The following GMCL2 variants were observed in gnomAD, a reference collection of about 807,000 sequenced individuals.
GMCL2 encodes germ cell-less 2, spermatogenesis associated, also known as germ cell-less protein-like 2.
Under a neutral mutation model 36.2 loss-of-function variants are expected in GMCL2, and 33 were observed. That is an observed-to-expected ratio of 0.91 (90% CI 0.69 to 1.22). The LOEUF (loss-of-function observed/expected upper bound fraction) is 1.22. GMCL2 is among the 50% of genes most tolerant of loss of function. The pLI is 0.00. For synonymous variants in GMCL2, 172 were observed against 184.3 expected (o/e 0.93, Z 0.54); for missense variants, 478 against 514.5 (o/e 0.93, Z 0.69).
chr5:178,184,969 C>T lies in GMCL2; in HGVS notation c.*750G>A, dbSNP rs1215769847. Among the ~76,000 whole-genome samples the T allele has an allele frequency of 1.3e-5, 2 of 152,108 alleles. No homozygotes were observed. The highest frequency in any genetic ancestry group is 4.1e-4 in the South Asian group (2 of 4,834). On this transcript the variant is annotated 3_prime_UTR_variant, in exon 1 of 1. Coordinates refer to ENST00000463439, the MANE Select transcript of GMCL2 (RefSeq NM_001358008.2). ...CTCAAAAACTAATAATAAAGGTGTA[C>T]AGACTGTCAAAGAAAAGACCATGTA...
In GMCL2 at chr5:178,186,289, T is replaced by C. The variant is rs540252519; in HGVS notation, c.1011A>G (p.Gln337=). 2 of 1,142,096 alleles carry C rather than the reference T, an allele frequency of 1.8e-6. No individual in the cohort carries two copies. The highest frequency in any genetic ancestry group is 2.3e-5 in the East Asian group (1 of 42,764). 70.7% of individuals were successfully genotyped at this position (1,142,096 alleles called of 1,614,324 possible). The change falls in exon 1 of 1, where the codon CAA becomes CAG. Residue 337 remains glutamine (Q), a synonymous_variant. Coordinates refer to ENST00000463439, the MANE Select transcript of GMCL2 (RefSeq NM_001358008.2). ...CAGAAGCTAGGTCACTGATAATATA[T>C]TGTAACCTTAAATGTCTGAATACTG... ...FVSVFRHLRL[Q]YIISDLASAR...
At position 178,186,083 on chromosome 5, in the gene GMCL2, T is replaced by G. The variant is rs751038711; in HGVS notation, c.1217A>C (p.Glu406Ala). Residue 406 changes from glutamate (E) to alanine (A), a missense_variant, in exon 1 of 1, where the codon GAA (glutamate) becomes GCA (alanine). Transcript: ENST00000463439. ...RCGRKLAKDG[E>A]YYWCWTGFNF... is the part of the protein sequence containing the mutation. ...AAAACCCGTCCAACACCAGTAGTATTCACCATCTTTGGCAAGCTTTCTACC... is the reference window on the plus strand; with the variant it reads ...AAAACCCGTCCAACACCAGTAGTATGCACCATCTTTGGCAAGCTTTCTACC... The G allele has an allele frequency of 5.1e-6, 4 of 787,710 alleles. No homozygotes were observed. Among genetic ancestry groups the G allele is most frequent in the Non-Finnish European group, 9.4e-6 (4 of 427,266 alleles). 48.8% of individuals were successfully genotyped at this position (787,710 alleles called of 1,614,324 possible).
At position 178,187,143 on chromosome 5, in the gene GMCL2, T is replaced by G. The variant is rs1175315042; in HGVS notation, c.157A>C (p.Lys53Gln). The change falls in exon 1 of 1, where the codon AAG becomes CAG. Residue 53 changes from lysine to glutamine, a missense_variant. Transcript: ENST00000463439. ...TAGCGGCAGGCCCCGCTGCTCCGCT[T>G]GCGCTTGTGACTGCCCGGGCAGTAA... Reference protein sequence around the residue: ...FCYCPGSHKRKRSSGACRYCD... With the variant: ...FCYCPGSHKRQRSSGACRYCD... The G allele has an allele frequency of 2.6e-6, 3 of 1,163,008 alleles. No homozygotes were observed. The highest frequency in any genetic ancestry group is 2.0e-5 in the Admixed American group (1 of 50,348). The allele number at this position is 1,163,008 out of a possible 1,614,324, so 72.0% of individuals were successfully genotyped here. A position where few individuals can be genotyped will look rare whatever the true frequency, so the allele number is the denominator to read the frequency against.
chr5:178,186,501 A>G lies in GMCL2; in HGVS notation c.799T>C (p.Phe267Leu). ...MKQLIGSSNL[F>L]VMQVEMDVYT... The stretch of plus-strand genomic sequence containing the variant: ...ACATCCATCTCCACTTGCATCACAA[A>G]TAAGTTAGAGGAACCAATGAGCTGT... Residue 267 changes from phenylalanine to leucine, a missense_variant, in exon 1 of 1, where the codon TTT becomes CTT. Phe to Leu is a conservative substitution (Grantham distance 22). Around this residue, in one of 5 missense-constraint regions of GMCL2, gnomAD observed 175 missense variants for 208.0 expected, o/e 0.84. Transcript: ENST00000463439. The G allele has an allele frequency of 7.1e-7, 1 of 1,408,484 alleles. No individual in the cohort carries two copies. Among genetic ancestry groups the G allele is most frequent in the Non-Finnish European group, 1.0e-6 (1 of 992,300 alleles). 87.2% of individuals were successfully genotyped at this position (1,408,484 alleles called of 1,614,324 possible).
chr5:178,186,553 A>T lies in GMCL2; in HGVS notation c.747T>A (p.Phe249Leu). The T allele has an allele frequency of 7.8e-7, 1 of 1,289,830 alleles. No homozygotes were observed. The highest frequency in any genetic ancestry group is 1.1e-6 in the Non-Finnish European group (1 of 883,864). The allele number at this position is 1,289,830 out of a possible 1,614,324, so 79.9% of individuals were successfully genotyped here. Residue 249 changes from phenylalanine (F) to leucine (L), a missense_variant, in exon 1 of 1, where the codon TTT (phenylalanine) becomes TTA (leucine). This residue lies in a region of GMCL2 where 175 missense variants were observed against 208.0 expected (regional missense o/e 0.84). Transcript: ENST00000463439. ...NLMTHQNVKLFKELGINVMKQ... is the reference protein window; with the variant it reads ...NLMTHQNVKLLKELGINVMKQ... ...TCATGACATTTATACCGAGTTCTTTAAAAAGTTTAACATTCTGGTGAGTCA... is the reference window on the plus strand; with the variant it reads ...TCATGACATTTATACCGAGTTCTTTTAAAAGTTTAACATTCTGGTGAGTCA...
rs1756673328 is a variant in GMCL2, at chr5:178,184,920, G to A, written c.*799C>T. Among the ~76,000 whole-genome samples, 2 of 152,072 alleles carry A rather than the reference G, an allele frequency of 1.3e-5. No homozygotes were observed. The highest frequency in any genetic ancestry group is 4.1e-4 in the South Asian group (2 of 4,830). On this transcript the variant is annotated 3_prime_UTR_variant, in exon 1 of 1. Coordinates refer to ENST00000463439, the MANE Select transcript of GMCL2 (RefSeq NM_001358008.2). Reference sequence around the variant, plus strand: ...TCAGAGAATATTAAAATATTTAAAAGTATAATATCTGGTACATAAATAACT... The same window carrying A: ...TCAGAGAATATTAAAATATTTAAAAATATAATATCTGGTACATAAATAACT...
chr5:178,186,575 G>T lies in GMCL2; in HGVS notation c.725C>A (p.Thr242Asn). ...CLEWLLNNLMTHQNVKLFKEL... is the reference protein window; with the variant it reads ...CLEWLLNNLMNHQNVKLFKEL... ...TTTAAAAAGTTTAACATTCTGGTGA[G>T]TCATCAAATTGTTTAGAAGCCATTC... Residue 242 changes from threonine to asparagine, a missense_variant, in exon 1 of 1, where the codon ACT (threonine) becomes AAT (asparagine). Physicochemically the swap from Thr to Asn is moderately conservative, Grantham distance 65. Transcript: ENST00000463439. The T allele has an allele frequency of 8.1e-7, 1 of 1,234,308 alleles. No individual in the cohort carries two copies. Among genetic ancestry groups the T allele is most frequent in the Non-Finnish European group, 1.2e-6 (1 of 833,352 alleles). 76.5% of individuals were successfully genotyped at this position (1,234,308 alleles called of 1,614,324 possible).
chr5:178,186,710 A>G lies in GMCL2; in HGVS notation c.590T>C (p.Ile197Thr). ...CTTCATTGTCTCACCACACTGCTGTATTAAACCATCCAGCTGCAGCATACA... is the reference window on the plus strand; with the variant it reads ...CTTCATTGTCTCACCACACTGCTGTGTTAAACCATCCAGCTGCAGCATACA... ...AACMLQLDGL[I>T]QQCGETMKET... The change falls in exon 1 of 1, where the codon ATA (isoleucine) becomes ACA (threonine). Residue 197 changes from isoleucine (I) to threonine (T), a missense_variant. Ile to Thr is a moderately conservative substitution (Grantham distance 89). Coordinates refer to ENST00000463439, the MANE Select transcript of GMCL2 (RefSeq NM_001358008.2). 1 of 1,453,734 alleles carries G rather than the reference A, an allele frequency of 6.9e-7. No individual in the cohort carries two copies. Among genetic ancestry groups the G allele is most frequent in the Non-Finnish European group, 9.7e-7 (1 of 1,033,760 alleles). The allele number at this position is 1,453,734 out of a possible 1,614,324, so 90.1% of individuals were successfully genotyped here.
Position 178,186,490 on chromosome 5 carries a change from T to G in GMCL2, c.810A>C (p.Gln270His). 2 of 1,430,904 alleles carry G rather than the reference T, an allele frequency of 1.4e-6. No homozygotes were observed. The highest frequency in any genetic ancestry group is 2.0e-6 in the Non-Finnish European group (2 of 1,012,770). 88.6% of individuals were successfully genotyped at this position (1,430,904 alleles called of 1,614,324 possible). ...GAGTGGTGTATACATCCATCTCCAC[T>G]TGCATCACAAATAAGTTAGAGGAAC... ...LIGSSNLFVMQVEMDVYTTLK... is the reference protein window; with the variant it reads ...LIGSSNLFVMHVEMDVYTTLK... Residue 270 changes from glutamine to histidine, a missense_variant, in exon 1 of 1, where the codon CAA (glutamine) becomes CAC (histidine). Transcript: ENST00000463439.
rs778939527 is a variant in GMCL2, at chr5:178,186,614, T to C, written c.686A>G (p.Lys229Arg). The change falls in exon 1 of 1, where the codon AAG becomes AGG. Residue 229 changes from lysine to arginine, a missense_variant. This residue lies in a region of GMCL2 where 175 missense variants were observed against 208.0 expected (regional missense o/e 0.84). Transcript: ENST00000463439. ...SVEIYGLDSV[K>R]KKCLEWLLNN... ...TAGAAGCCATTCAAGGCACTTTTTC[T>C]TTACAGAATCTAATCCATAGATCTC... 13 of 1,191,880 alleles carry C rather than the reference T, an allele frequency of 1.1e-5. No homozygotes were observed. Among genetic ancestry groups the C allele is most frequent in the Non-Finnish European group, 1.6e-5 (13 of 794,550 alleles). 73.8% of individuals were successfully genotyped at this position (1,191,880 alleles called of 1,614,324 possible). A position where few individuals can be genotyped will look rare whatever the true frequency, so the allele number is the denominator to read the frequency against.
At position 178,187,353 on chromosome 5, in the gene GMCL2, T is replaced by G; in HGVS notation, c.-54A>C. 2.9e-6 allele frequency: 2 copies of G among 685,272 alleles called. No homozygotes were observed. The highest frequency in any genetic ancestry group is 4.8e-6 in the Non-Finnish European group (2 of 418,892). 42.4% of individuals were successfully genotyped at this position (685,272 alleles called of 1,614,324 possible). A position where few individuals can be genotyped will look rare whatever the true frequency, so the allele number is the denominator to read the frequency against. On this transcript the variant is annotated 5_prime_UTR_variant, in exon 1 of 1. The change abolishes an upstream ATG in the 5' untranslated region. Coordinates refer to ENST00000463439, the MANE Select transcript of GMCL2 (RefSeq NM_001358008.2). Reference sequence around the variant, plus strand: ...GCCCAGAGGAGGGGGTCTCTGGCCATGGCCCGGCCGCCGCCGCCAGCCTTC... The same window carrying G: ...GCCCAGAGGAGGGGGTCTCTGGCCAGGGCCCGGCCGCCGCCGCCAGCCTTC...
In GMCL2 at chr5:178,186,002, C is replaced by T. The variant is rs754699085; in HGVS notation, c.1298G>A (p.Arg433His). Reference protein sequence around the residue: ...IYTNGYIIFKRNTLNQPRSGS... With the variant: ...IYTNGYIIFKHNTLNQPRSGS... ...GCTGCGTGGCTGATTCAGTGTATTG[C>T]GTTTGAAAATGATGTATCCATTGGT... Residue 433 changes from arginine (R) to histidine (H), a missense_variant, in exon 1 of 1, where the codon CGC becomes CAC. Around this residue, in one of 5 missense-constraint regions of GMCL2, gnomAD observed 135 missense variants for 119.0 expected, o/e 1.13. Coordinates refer to ENST00000463439, the MANE Select transcript of GMCL2 (RefSeq NM_001358008.2). 46 of 767,786 alleles carry T rather than the reference C, an allele frequency of 6.0e-5. 1 individual carries two copies. The highest frequency in any genetic ancestry group is 1.1e-4 in the South Asian group (8 of 74,512). 47.6% of individuals were successfully genotyped at this position (767,786 alleles called of 1,614,324 possible).
In GMCL2 at chr5:178,184,659, G is replaced by A. The variant is rs1374238371; in HGVS notation, c.*1060C>T. Among the ~76,000 whole-genome samples the A allele has an allele frequency of 6.6e-6, 1 of 152,018 alleles. No homozygotes were observed. The highest frequency in any genetic ancestry group is 2.1e-4 in the South Asian group (1 of 4,820). On this transcript the variant is annotated 3_prime_UTR_variant, in exon 1 of 1. Coordinates refer to ENST00000463439, the MANE Select transcript of GMCL2 (RefSeq NM_001358008.2). ...ATTCAAAACAGCAGTAAACACAAAA[G>A]GTCAACATATATAAATCATGACAAG... is the stretch of plus-strand genomic sequence containing the variant.
In GMCL2 at chr5:178,187,354, GGCCCGGCC is replaced by G; in HGVS notation, c.-63_-56del. 1.5e-6 allele frequency: 1 copy of G among 686,686 alleles called. No individual in the cohort carries two copies. Among genetic ancestry groups the G allele is most frequent in the Non-Finnish European group, 2.4e-6 (1 of 419,158 alleles). 42.5% of individuals were successfully genotyped at this position (686,686 alleles called of 1,614,324 possible). A position where few individuals can be genotyped will look rare whatever the true frequency, so the allele number is the denominator to read the frequency against. ...CCCAGAGGAGGGGGTCTCTGGCCAT[GGCCCGGCC>G]GCCGCCGCCAGCCTTCCCCGAGCAC... On this transcript the variant is annotated 5_prime_UTR_variant, in exon 1 of 1. Transcript: ENST00000463439.
rs1179052217 is a variant in GMCL2, at chr5:178,187,272, C to T, written c.28G>A (p.Gly10Ser). ...TGGGCAAGGGCTCGCCTCGGCTGGC[C>T]CAGCACCCGGCTGCTCGACGATCCC... MGSSSSRVL[G>S]QPRRALAQQE... Residue 10 changes from glycine to serine, a missense_variant, in exon 1 of 1, where the codon GGC becomes AGC. Physicochemically the swap from Gly to Ser is moderately conservative, Grantham distance 56. Around this residue, in one of 5 missense-constraint regions of GMCL2, gnomAD observed 127 missense variants for 86.4 expected, o/e 1.47. Transcript: ENST00000463439. The T allele has an allele frequency of 2.1e-6, 2 of 940,266 alleles. No homozygotes were observed. Among genetic ancestry groups the T allele is most frequent in the Non-Finnish European group, 3.3e-6 (2 of 604,634 alleles). The allele number at this position is 940,266 out of a possible 1,614,324, so 58.2% of individuals were successfully genotyped here.
At position 178,185,343 on chromosome 5, in the gene GMCL2, T is replaced by C. The variant is rs1333690280; in HGVS notation, c.*376A>G. Reference sequence around the variant, plus strand: ...TTAGATTATTTTAGCCAAATAAAAATAAATTTACAGATGGATAACTGAGGT... The same window carrying C: ...TTAGATTATTTTAGCCAAATAAAAACAAATTTACAGATGGATAACTGAGGT... On this transcript the variant is annotated 3_prime_UTR_variant, in exon 1 of 1. Transcript: ENST00000463439. 1.3e-5 allele frequency among the ~76,000 whole-genome samples: 2 copies of C among 152,132 alleles called. No individual in the cohort carries two copies. The highest frequency in any genetic ancestry group is 2.9e-5 in the Non-Finnish European group (2 of 67,998).
At position 178,186,977 on chromosome 5, in the gene GMCL2, C is replaced by G; in HGVS notation, c.323G>C (p.Ser108Thr). ...YQTLFLNGEN[S>T]DIKICALGEE... ...TCCTAGAGCACAAATCTTAATGTCA[C>G]TGTTTTCACCATTCAAAAATAATGT... Residue 108 changes from serine (S) to threonine (T), a missense_variant, in exon 1 of 1, where the codon AGT becomes ACT. Physicochemically the swap from Ser to Thr is moderately conservative, Grantham distance 58. Around this residue, in one of 5 missense-constraint regions of GMCL2, gnomAD observed 36 missense variants for 78.1 expected, o/e 0.46. Coordinates refer to ENST00000463439, the MANE Select transcript of GMCL2 (RefSeq NM_001358008.2). 6.8e-7 allele frequency: 1 copy of G among 1,461,556 alleles called. No individual in the cohort carries two copies. The highest frequency in any genetic ancestry group is 1.1e-5 in the South Asian group (1 of 87,960). The allele number at this position is 1,461,556 out of a possible 1,614,324, so 90.5% of individuals were successfully genotyped here. A position where few individuals can be genotyped will look rare whatever the true frequency, so the allele number is the denominator to read the frequency against.
Position 178,186,641 on chromosome 5 carries a change from A to G in GMCL2, c.659T>C (p.Val220Ala). 1 of 1,143,324 alleles carries G rather than the reference A, an allele frequency of 8.7e-7. No individual in the cohort carries two copies. Among genetic ancestry groups the G allele is most frequent in the Non-Finnish European group, 1.3e-6 (1 of 750,064 alleles). 70.8% of individuals were successfully genotyped at this position (1,143,324 alleles called of 1,614,324 possible). The change falls in exon 1 of 1, where the codon GTA becomes GCA. Residue 220 changes from valine to alanine, a missense_variant. Around this residue, in one of 5 missense-constraint regions of GMCL2, gnomAD observed 175 missense variants for 208.0 expected, o/e 0.84. Transcript: ENST00000463439. Reference sequence around the variant, plus strand: ...TACAGAATCTAATCCATAGATCTCTACTGATGTGTAATAACCGCATACAGT... The same window carrying G: ...TACAGAATCTAATCCATAGATCTCTGCTGATGTGTAATAACCGCATACAGT... Reference protein sequence around the residue: ...VKTVCGYYTSVEIYGLDSVKK... With the variant: ...VKTVCGYYTSAEIYGLDSVKK...
rs1196255819 is a variant in GMCL2 at position 178,186,250 on chromosome 5, T to C, written c.1050A>G (p.Glu350=). 1 of 937,994 alleles carries C rather than the reference T, an allele frequency of 1.1e-6. No homozygotes were observed. Among genetic ancestry groups the C allele is most frequent in the South Asian group, 1.3e-5 (1 of 77,540 alleles). The allele number at this position is 937,994 out of a possible 1,614,324, so 58.1% of individuals were successfully genotyped here. The change falls in exon 1 of 1, where the codon GAA becomes GAG. Residue 350 remains glutamate, a synonymous_variant. Transcript: ENST00000463439. ...ATTCTGAAGGTACTATACCATCTTGTTCAATAATTCTTGCAGAAGCTAGGT... is the reference window on the plus strand; with the variant it reads ...ATTCTGAAGGTACTATACCATCTTGCTCAATAATTCTTGCAGAAGCTAGGT... ...ISDLASARII[E]QDGIVPSEWL...
Sources: allele counts gnomAD v4.1 joint callset (sites outside exome capture counted in the v4.1 genomes callset), GRCh38; gene constraint gnomAD v4.1.1; regional missense constraint gnomAD v4.1.1; transcripts MANE v1.5; gene names NCBI Gene and HGNC (gene_info 2026-07-23, HGNC 2026-07-21).